The following MLLT6 variants were observed in gnomAD, a reference collection of about 807,000 sequenced individuals.
MLLT6 encodes protein AF-17.
MLLT6 carries 22 observed loss-of-function variants against 103.0 expected under a neutral mutation model. That is an observed-to-expected ratio of 0.21 (90% CI 0.15 to 0.31). The LOEUF (loss-of-function observed/expected upper bound fraction) is 0.31, where lower values mean the gene tolerates loss of function less well. Among genes scored for constraint, MLLT6 ranks in the 10% least tolerant of loss-of-function variants. The pLI, the probability that MLLT6 is intolerant of heterozygous loss-of-function variation, is 1.00. For missense variants in MLLT6, 1,199 were observed against 1,441.7 expected, an observed-to-expected ratio of 0.83 and a Z score of 2.73; for synonymous variants, 606 against 623.5, an observed-to-expected ratio of 0.97 and a Z score of 0.42.
rs1906165697 is a variant in MLLT6 at position 38,728,699 on chromosome 17, G to A, written c.*3101G>A. Reference sequence around the variant, plus strand: ...TGACAGGGCCAGGACAAGCCCTCAGGACTGTGGCCTCCTGGCCCTTGGTTC... The same window carrying A: ...TGACAGGGCCAGGACAAGCCCTCAGAACTGTGGCCTCCTGGCCCTTGGTTC... On this transcript the variant is annotated 3_prime_UTR_variant, in exon 20 of 20. Transcript: ENST00000621332. The A allele has an allele frequency of 4.3e-6, 1 of 233,986 alleles. No individual in the cohort carries two copies. Among genetic ancestry groups the A allele is most frequent in the African/African-American group, 2.2e-5 (1 of 45,364 alleles). 14.5% of individuals were successfully genotyped at this position (233,986 alleles called of 1,614,324 possible).
chr17:38,711,583 G>C (rs1213605708), intron 6 of MLLT6, among the ~76,000 whole-genome samples: 1 of 152,156 alleles, frequency 6.6e-6, no homozygotes, highest in African/African-American at 2.4e-5. Flanking sequence ...CCTGGGCCTT[G>C]CTGGGGCCCA....
intron 19 of MLLT6, 104 bp downstream of exon 19, chr17:38,725,080 A>C: frequency 2.3e-6 from 2 of 852,880 alleles, no homozygotes; most frequent in Non-Finnish European, 3.6e-6. Context: ...GGAAGGAAGC[A>C]ACCCCTAGGT....
intron 16 of MLLT6, chr17:38,721,008 A>C: frequency 1.8e-6 from 1 of 564,872 alleles, no homozygotes. Context: ...GAGTAATCAC[A>C]AACTGGGAGA....
Position 38,724,480 on chromosome 17 carries a change from A to G in MLLT6, c.2884-140A>G. 1 of 621,526 alleles carries G rather than the reference A, an allele frequency of 1.6e-6. No individual in the cohort carries two copies. Among genetic ancestry groups the G allele is most frequent in the South Asian group, 2.2e-5 (1 of 46,316 alleles). 38.5% of individuals were successfully genotyped at this position (621,526 alleles called of 1,614,324 possible). A position where few individuals can be genotyped will look rare whatever the true frequency, so the allele number is the denominator to read the frequency against. On this transcript the variant is annotated intron_variant, in intron 18 of 19. Transcript: ENST00000621332. This position sits in a 1 kb window ranked among gnomAD's most constrained non-coding sequence, Gnocchi z 5.4. ...ACCCAGGCTAAGTGGGAAATGCGAG[A>G]CAGTACCTTGACTGTCTCACAGGCC...
chr17:38,719,161 GC>G (rs1231697315), intron 12 of MLLT6: 7 of 356,812 alleles, frequency 2.0e-5, no homozygotes, highest in South Asian at 5.4e-5. Flanking sequence ...CTGGTTAGGA[GC>G]CCAAGGTCAC....
rs1237978228 is a variant in MLLT6, at chr17:38,716,758, T to C, written c.1428T>C (p.His476=). The C allele has an allele frequency of 4.3e-6, 7 of 1,609,366 alleles. No homozygotes were observed. The South Asian group carries it at 4.4e-5, about 10-fold the overall frequency. The change falls in exon 10 of 20, where the codon CAT becomes CAC. Residue 476 remains histidine (H), a synonymous_variant. Coordinates refer to ENST00000621332, the MANE Select transcript of MLLT6 (RefSeq NM_005937.4). The surrounding 1 kb of genome is among the most constrained non-coding windows in gnomAD (Gnocchi z 5.6). ...KKHKASKRSR[H]GPGRPKGSRN... is the part of the protein sequence containing the mutation. ...ACAAAGCCAGCAAGAGGAGCCGCCA[T>C]GGGCCAGGCCGTCCCAAGGGCAGCC...
rs1793749134 is a variant in MLLT6, at chr17:38,727,919, GAAGT to G, written c.*2326_*2329del. On this transcript the variant is annotated 3_prime_UTR_variant, in exon 20 of 20. Coordinates refer to ENST00000621332, the MANE Select transcript of MLLT6 (RefSeq NM_005937.4). ...CTTAACTTTTGTCTGGATGGGAAGA[GAAGT>G]AAGTCTACCCCGAGGTTGCCATGTT... is the stretch of plus-strand genomic sequence containing the variant. 4.3e-6 allele frequency: 1 copy of G among 233,204 alleles called. No homozygotes were observed. The highest frequency in any genetic ancestry group is 2.2e-5 in the African/African-American group (1 of 45,358). The allele number at this position is 233,204 out of a possible 1,614,324, so 14.4% of individuals were successfully genotyped here.
intron 10 of MLLT6, 59 bp from the exon 11 acceptor site, chr17:38,717,373 T>C: frequency 7.1e-7 from 1 of 1,401,060 alleles, no homozygotes; most frequent in Non-Finnish European, 9.7e-7. Flanking sequence ...GCCACCTGGC[T>C]GAGCAGGAGT....
intron 17 of MLLT6, 47 bp downstream of exon 17, chr17:38,722,274 G>T: frequency 7.6e-7 from 1 of 1,314,226 alleles, no homozygotes; most frequent in Non-Finnish European, 9.8e-7. Context: ...TGGGGGGCTG[G>T]CTCTGGGAAG....
rs865847448 is a variant in MLLT6 at position 38,726,403 on chromosome 17, C to G, written c.*805C>G. 8 of 224,178 alleles carry G rather than the reference C, an allele frequency of 3.6e-5. No homozygotes were observed. The highest frequency in any genetic ancestry group is 1.3e-3 in the Middle Eastern group (1 of 796). 13.9% of individuals were successfully genotyped at this position (224,178 alleles called of 1,614,324 possible). ...TGTGTGTGTGTGTGTGTGTGTGTGT[C>G]TGTCTGCCTGTCTCTCTCCTCCTGG... On this transcript the variant is annotated 3_prime_UTR_variant, in exon 20 of 20. Transcript: ENST00000621332.
intron 14 of MLLT6, 200 bp downstream of exon 14, chr17:38,720,095 T>TCGTGGCCTC (rs1346025146): frequency 9.9e-6 from 8 of 810,230 alleles, no homozygotes; most frequent in African/African-American, 1.7e-5. Context: ...CCTTTGGCCT[T>TCGTGGCCTC]CGTGGCCTCC....
chr17:38,709,143 A>G lies in MLLT6; in HGVS notation c.355-30A>G, dbSNP rs769001417. The G allele has an allele frequency of 1.9e-6, 3 of 1,566,712 alleles. No homozygotes were observed. Among genetic ancestry groups the G allele is most frequent in the Non-Finnish European group, 2.6e-6 (3 of 1,145,054 alleles). On this transcript the variant is annotated intron_variant, in intron 4 of 19. Coordinates refer to ENST00000621332, the MANE Select transcript of MLLT6 (RefSeq NM_005937.4). This position sits in a 1 kb window ranked among gnomAD's most constrained non-coding sequence, Gnocchi z 4.3. ...CATCAGTAGAACAGGGGCTCCCTGG[A>G]GGAGGGGACGATTGCGCTGTGTCCT...
chr17:38,722,863 A>C, intron 18 of MLLT6, 95 bp downstream of exon 18: 1 of 914,002 alleles, frequency 1.1e-6, no homozygotes, highest in Admixed American at 2.0e-5. Flanking sequence ...GGGCAGGAGC[A>C]GGCAGAGTGA....
Position 38,724,401 on chromosome 17 carries a change from C to T in MLLT6, c.2884-219C>T, listed in dbSNP as rs1004532265. On this transcript the variant is annotated intron_variant, in intron 18 of 19. Transcript: ENST00000621332. The surrounding 1 kb of genome is among the most constrained non-coding windows in gnomAD (Gnocchi z 5.4). ...AATACCCTGCTGTTGGCCGGCAGTGCTGCAGCTGGCAAATACCAATGGCGT... is the reference window on the plus strand; with the variant it reads ...AATACCCTGCTGTTGGCCGGCAGTGTTGCAGCTGGCAAATACCAATGGCGT... 7.8e-6 allele frequency: 4 copies of T among 510,688 alleles called. No individual in the cohort carries two copies. The highest frequency in any genetic ancestry group is 1.4e-5 in the Non-Finnish European group (4 of 290,496). The allele number at this position is 510,688 out of a possible 1,614,324, so 31.6% of individuals were successfully genotyped here.
At chr17:38,719,204 G>A in intron 12 of MLLT6, 2 of 435,760 alleles carry the variant, frequency 4.6e-6, no homozygotes, top group Non-Finnish European at 8.2e-6. Context: ...GTTCAATCCA[G>A]GTCTGTCTTG....
Position 38,720,661 on chromosome 17 carries a change from G to C in MLLT6, c.2356G>C (p.Gly786Arg). ...AGCCTGTGACATCCCTCCCACAGCC[G>C]GCAGCAGCGACTCCTTGAGCACCAG... ...PGPYGLPPQA[G>R]SSDSLSTSKS... The change falls in exon 16 of 20, where the codon GGC becomes CGC. Residue 786 changes from glycine to arginine, a missense_variant and splice_region_variant. Physicochemically the swap from Gly to Arg is moderately radical, Grantham distance 125. Transcript: ENST00000621332. 1 of 1,613,712 alleles carries C rather than the reference G, an allele frequency of 6.2e-7. No homozygotes were observed. The highest frequency in any genetic ancestry group is 8.5e-7 in the Non-Finnish European group (1 of 1,180,022).
rs780647713 is a variant in MLLT6, at chr17:38,724,610, C to T, written c.2884-10C>T. Reference sequence around the variant, plus strand: ...ACTGTTGGCCAACAAGCGGTCTGGCCCCCTTGCAGGAACACCAGACTGTTG... The same window carrying T: ...ACTGTTGGCCAACAAGCGGTCTGGCTCCCTTGCAGGAACACCAGACTGTTG... On this transcript the variant is annotated splice_polypyrimidine_tract_variant and intron_variant, in intron 18 of 19. Transcript: ENST00000621332. The surrounding 1 kb of genome is among the most constrained non-coding windows in gnomAD (Gnocchi z 5.4). 6.4e-6 allele frequency: 10 copies of T among 1,570,182 alleles called. No individual in the cohort carries two copies. The East Asian group carries it at 1.8e-4, about 28-fold the overall frequency.
At chr17:38,721,727 T>C (rs1905751328) in intron 16 of MLLT6, 151 bp from the exon 17 acceptor site, 1 of 529,864 alleles carries the variant, frequency 1.9e-6, no homozygotes, top group Non-Finnish European at 3.3e-6. Context: ...ATTTGGATTC[T>C]TAGCCCTCAT....
At position 38,722,624 on chromosome 17, in the gene MLLT6, C is replaced by T. The variant is rs1345655244; in HGVS notation, c.2793-54C>T. ...ATTAGGAGCAGGAGTGTTTCCCTGG[C>T]CCTCCCCCATGGTCTGTGTGTTGTC... On this transcript the variant is annotated intron_variant, in intron 17 of 19. Transcript: ENST00000621332. The T allele has an allele frequency of 1.1e-5, 9 of 844,192 alleles. No individual in the cohort carries two copies. In the East Asian group the frequency reaches 2.2e-4, roughly 20 times the overall value. 52.3% of individuals were successfully genotyped at this position (844,192 alleles called of 1,614,324 possible). A position where few individuals can be genotyped will look rare whatever the true frequency, so the allele number is the denominator to read the frequency against.
Sources: gnomAD v4.1 joint callset for allele counts (sites outside exome capture counted in the v4.1 genomes callset) on GRCh38, gnomAD v4.1.1 for gene constraint, Gnocchi (gnomAD v3.1) non-coding constraint, MANE v1.5 for transcripts, NCBI Gene and HGNC (gene_info 2026-07-23, HGNC 2026-07-21) for gene names.